Variants in UNC79 observed in about 807,000 individuals in gnomAD.
UNC79 encodes the protein unc-79 subunit of NALCN channel complex, also known as protein unc-79 homolog.
A neutral mutation model predicts 283.1 loss-of-function variants in UNC79; 37 were observed. The observed-to-expected ratio is 0.13, with a 90% confidence interval of 0.10 to 0.17. UNC79 has a LOEUF of 0.17. UNC79 is among the 10% of genes least tolerant of loss of function. The pLI, the probability that UNC79 is intolerant of heterozygous loss-of-function variation, is 1.00. For missense variants in UNC79, 2,272 were observed against 3,211.1 expected (o/e 0.71, Z 7.07); for synonymous variants, 1,107 against 1,200.2 (o/e 0.92, Z 1.61).
intron 1 of UNC79, among the ~76,000 whole-genome samples, chr14:93,459,255 T>C (rs905027761): frequency 2.0e-5 from 3 of 152,206 alleles, no homozygotes; most frequent in Non-Finnish European, 4.4e-5. Context: ...ATTACAGGCA[T>C]GAGCCACTGC....
chr14:93,526,803 G>T (rs2060569379), intron 8 of UNC79, among the ~76,000 whole-genome samples: 1 of 152,088 alleles, frequency 6.6e-6, no homozygotes, highest in African/African-American at 2.4e-5. Flanking sequence ...TTCTCCTTTT[G>T]AGTAGTGTGA....
At chr14:93,426,256 A>G (rs903317440), upstream of UNC79, among the ~76,000 whole-genome samples, 1 of 151,936 alleles carries the variant, frequency 6.6e-6, no homozygotes, top group African/African-American at 2.4e-5. Context: ...GTTGGTTCCA[A>G]GGTTTTCCCT....
chr14:93,682,730 C>T (rs1367645306), intron 42 of UNC79, 36 bp downstream of exon 45: 2 of 1,587,958 alleles, frequency 1.3e-6, no homozygotes, highest in African/African-American at 1.3e-5. Context: ...TACATACTTA[C>T]ATTTCATAGA....
At chr14:93,565,159 C>T (rs766908527) in intron 14 of UNC79, among the ~76,000 whole-genome samples, 5 of 152,210 alleles carry the variant, frequency 3.3e-5, no homozygotes, top group South Asian at 2.1e-4. Context: ...GTCCCTCCCC[C>T]GGTTCCTGTA....
At chr14:93,433,458 A>G (rs2055957013) in intron 1 of UNC79, among the ~76,000 whole-genome samples, 1 of 152,250 alleles carries the variant, frequency 6.6e-6, no homozygotes, top group Non-Finnish European at 1.5e-5. Context: ...AATACTTTTT[A>G]TAAAAAGAAC....
intron 1 of UNC79, chr14:93,348,155 A>G: frequency 1.5e-6 from 2 of 1,317,676 alleles, no homozygotes; most frequent in Non-Finnish European, 2.2e-6. Flanking sequence ...TTAACGTCCA[A>G]AAAACTTTCA....
chr14:93,554,360 A>AC (rs1171311984), intron 14 of UNC79, among the ~76,000 whole-genome samples: 2 of 152,076 alleles, frequency 1.3e-5, no homozygotes, highest in Non-Finnish European at 2.9e-5. Flanking sequence ...CTCAAAAAAA[A>AC]AAAAAAAAAA....
chr14:93,637,431 C>A, intron 32 of UNC79, 132 bp downstream of exon 35: 1 of 1,453,612 alleles, frequency 6.9e-7, no homozygotes, highest in Non-Finnish European at 9.1e-7. Flanking sequence ...GCCCAAACAC[C>A]CCCAGTGGCT....
At chr14:93,426,655 A>G (rs1040123088), upstream of UNC79, among the ~76,000 whole-genome samples, 2 of 151,888 alleles carry the variant, frequency 1.3e-5, no homozygotes, top group Non-Finnish European at 2.9e-5. Context: ...CATTAATATC[A>G]TCTAGTGAAT....
intron 1 of UNC79, among the ~76,000 whole-genome samples, chr14:93,365,623 TGA>T: frequency 6.6e-6 from 1 of 152,214 alleles, no homozygotes. Context: ...ATTATTAAGA[TGA>T]AGAACTCAAC....
At chr14:93,484,292 G>A (rs1444761520) in intron 4 of UNC79, among the ~76,000 whole-genome samples, 1 of 152,210 alleles carries the variant, frequency 6.6e-6, no homozygotes, top group African/African-American at 2.4e-5. Flanking sequence ...CAAAAAAGTT[G>A]TTGAATTTAA....
chr14:93,550,351 C>T (rs1293850694), intron 14 of UNC79, among the ~76,000 whole-genome samples: 2 of 151,780 alleles, frequency 1.3e-5, no homozygotes, highest in Non-Finnish European at 2.9e-5. Context: ...CTCGTCTCTA[C>T]TAAAAATACA....
intron 1 of UNC79, among the ~76,000 whole-genome samples, chr14:93,419,120 T>C (rs2055533770): frequency 6.8e-6 from 1 of 146,154 alleles, no homozygotes; most frequent in Non-Finnish European, 1.5e-5. Flanking sequence ...TGTGTCACGC[T>C]GGGAGCTGTA....
At chr14:93,457,002 A>C (rs921777688) in intron 1 of UNC79, among the ~76,000 whole-genome samples, 1 of 152,204 alleles carries the variant, frequency 6.6e-6, no homozygotes, top group Non-Finnish European at 1.5e-5. Flanking sequence ...AAAGTGATAC[A>C]AGTAGTTCTT....
rs147969637 is a variant in UNC79, at chr14:93,658,479, A to G, written c.6457-714A>G. 5.8e-4 allele frequency among the ~76,000 whole-genome samples: 88 copies of G among 152,342 alleles called. No individual in the cohort carries two copies. The East Asian group carries it at 0.013, about 22-fold the overall frequency. ...GGTGCACAGCTGCAGAAATTTAACT[A>G]TAGCCTGCTATTGTGATCTATTTAC... On this transcript the variant is annotated intron_variant, in intron 38 of 48. Transcript: ENST00000555664.
At chr14:93,397,634 C>T (rs889709379) in intron 1 of UNC79, among the ~76,000 whole-genome samples, 16 of 151,936 alleles carry the variant, frequency 1.1e-4, no homozygotes, top group African/African-American at 3.1e-4. Context: ...ATTGCTTGAA[C>T]CCAGGAGTTT....
intron 5 of UNC79, among the ~76,000 whole-genome samples, chr14:93,494,092 A>G (rs1387514977): frequency 6.6e-6 from 1 of 151,246 alleles, no homozygotes; most frequent in East Asian, 1.9e-4. Flanking sequence ...TGTAGTAGAG[A>G]TGGGGTTTCA....
intron 34 of UNC79, 91 bp downstream of exon 37, chr14:93,643,788 T>C: frequency 6.5e-7 from 1 of 1,532,480 alleles, no homozygotes. Flanking sequence ...AGTGAAACAT[T>C]CAGCCACCTT....
chr14:93,435,225 A>G (rs2056040429), intron 1 of UNC79, among the ~76,000 whole-genome samples: 1 of 152,246 alleles, frequency 6.6e-6, no homozygotes, highest in Admixed American at 6.5e-5. Context: ...CAAAAATTAG[A>G]ATGTGCCTAT....
Sources: allele counts gnomAD v4.1 joint callset (sites outside exome capture counted in the v4.1 genomes callset), GRCh38; gene constraint gnomAD v4.1.1; transcripts MANE v1.5; gene names NCBI Gene and HGNC (gene_info 2026-07-23, HGNC 2026-07-21).